Variants in DACH2 observed in about 807,000 individuals in gnomAD.
DACH2 encodes dachshund family transcription factor 2, also known as dachshund homolog 2.
Under a neutral mutation model 35.8 loss-of-function variants are expected in DACH2, and 17 were observed. The ratio of observed to expected loss-of-function variants is 0.48; its 90% CI spans 0.33 to 0.71. DACH2 has a LOEUF of 0.71. Ranked by LOEUF, DACH2 falls within the 30% of genes least tolerant of loss-of-function variation. DACH2 has a pLI of 0.02. For synonymous variants in DACH2, 195 were observed against 177.3 expected, an observed-to-expected ratio of 1.10 and a Z score of -0.79; for missense variants, 469 against 472.7, an observed-to-expected ratio of 0.99 and a Z score of 0.07.
chrX:86,207,558 T>TA, intron 1 of DACH2, among the ~76,000 whole-genome samples: 1 of 111,283 alleles, frequency 9.0e-6, no homozygotes, highest in Non-Finnish European at 1.9e-5. Flanking sequence ...AAATAAAAAA[T>TA]AAAATAAAAA....
chrX:86,599,466 T>TTTTCTTTCTTTCTTTA (rs2039759421), intron 3 of DACH2, among the ~76,000 whole-genome samples: 1 of 62,780 alleles, frequency 1.6e-5, no homozygotes, highest in Non-Finnish European at 2.8e-5. Context: ...TCCTTCCTTC[T>TTTTCTTTCTTTCTTTA]TTTCTTTCTT....
chrX:86,709,584 A>C (rs928793941), intron 5 of DACH2, among the ~76,000 whole-genome samples: 2 of 111,777 alleles, frequency 1.8e-5, no homozygotes, highest in African/African-American at 6.5e-5. Flanking sequence ...ACCGTTCATG[A>C]CACACACTGT....
intron 3 of DACH2, among the ~76,000 whole-genome samples, chrX:86,544,207 G>A (rs891878313): frequency 3.6e-5 from 4 of 111,179 alleles, no homozygotes; most frequent in African/African-American, 1.3e-4. Flanking sequence ...GAAAGCAACT[G>A]GGAAGCATAA....
At chrX:86,748,390 G>A (rs1294243301) in intron 7 of DACH2, among the ~76,000 whole-genome samples, 4 of 111,910 alleles carry the variant, frequency 3.6e-5, no homozygotes, top group Non-Finnish European at 7.5e-5. Context: ...AACGAAACTC[G>A]AAAGTCAAAC....
chrX:86,782,302 A>G (rs2042096228), intron 7 of DACH2, among the ~76,000 whole-genome samples: 1 of 112,104 alleles, frequency 8.9e-6, no homozygotes, highest in Non-Finnish European at 1.9e-5. Flanking sequence ...GTATTAAAAT[A>G]CCAATGACAT....
At chrX:86,685,679 G>A (rs925623522) in intron 4 of DACH2, among the ~76,000 whole-genome samples, 13 of 111,121 alleles carry the variant, frequency 1.2e-4, no homozygotes, top group African/African-American at 3.6e-4. Flanking sequence ...GAAGCCTCAG[G>A]GAGCTTTTAT....
chrX:86,294,180 T>G, intron 1 of DACH2, among the ~76,000 whole-genome samples: 1 of 111,728 alleles, frequency 9.0e-6, no homozygotes. Context: ...CATTTCATCT[T>G]CCATCACTGA....
intron 3 of DACH2, among the ~76,000 whole-genome samples, chrX:86,527,317 T>C (rs1219035524): frequency 2.7e-5 from 3 of 111,981 alleles, no homozygotes; most frequent in African/African-American, 9.7e-5. Context: ...GTGAGCATAC[T>C]CATTTTCTCA....
intron 7 of DACH2, among the ~76,000 whole-genome samples, chrX:86,768,971 G>C (rs1191388616): frequency 9.0e-6 from 1 of 111,150 alleles, no homozygotes; most frequent in Non-Finnish European, 1.9e-5. Context: ...AATTTGCCAT[G>C]ATAAAGTGTG....
At chrX:86,544,629 A>G (rs2038932612) in intron 3 of DACH2, among the ~76,000 whole-genome samples, 1 of 111,422 alleles carries the variant, frequency 9.0e-6, no homozygotes, top group African/African-American at 3.3e-5. Context: ...GCCTTACAAG[A>G]GGTCCTGAAG....
At chrX:86,435,783 A>G (rs1327178362) in intron 2 of DACH2, among the ~76,000 whole-genome samples, 1 of 111,873 alleles carries the variant, frequency 8.9e-6, no homozygotes, top group Non-Finnish European at 1.9e-5. Flanking sequence ...TACAAATGTC[A>G]GGGTGAGAAT....
chrX:86,442,303 C>T (rs893578229), intron 2 of DACH2, among the ~76,000 whole-genome samples: 1 of 100,688 alleles, frequency 9.9e-6, no homozygotes, highest in African/African-American at 3.7e-5. Context: ...ATTCTTGTGT[C>T]TTCTTTTGAG....
intron 2 of DACH2, chrX:86,513,007 G>T: frequency 3.3e-6 from 1 of 305,440 alleles, no homozygotes. Flanking sequence ...ATATAATATT[G>T]ATGTACAGTG....
chrX:86,304,078 T>C (rs938088965), intron 1 of DACH2, among the ~76,000 whole-genome samples: 7 of 111,976 alleles, frequency 6.3e-5, no homozygotes, highest in Non-Finnish European at 1.1e-4. Context: ...AATCCATGCA[T>C]TTACGGCCAA....
chrX:86,403,502 T>A (rs1020971432), intron 2 of DACH2, among the ~76,000 whole-genome samples: 1 of 111,919 alleles, frequency 8.9e-6, no homozygotes. Flanking sequence ...GAATGGCTAT[T>A]ACTAAAGTGT....
At chrX:86,329,057 T>C (rs1470734884) in intron 1 of DACH2, among the ~76,000 whole-genome samples, 2 of 111,295 alleles carry the variant, frequency 1.8e-5, no homozygotes, top group Non-Finnish European at 3.8e-5. Flanking sequence ...TTTTACTGTG[T>C]ATGTGCGGAT....
At chrX:86,778,504 T>C (rs1448449931) in intron 7 of DACH2, among the ~76,000 whole-genome samples, 1 of 112,345 alleles carries the variant, frequency 8.9e-6, no homozygotes, top group Non-Finnish European at 1.9e-5. Flanking sequence ...TTTAGGACTA[T>C]AGAAAAGAAA....
At position 86,592,402 on chromosome X, in the gene DACH2, A is replaced by ACCCACTTTCACTGTTAC. The variant is rs1254669751; in HGVS notation, c.641-58632_641-58631insCACTTTCACTGTTACCC. On this transcript the variant is annotated intron_variant, in intron 3 of 11. Transcript: ENST00000373125. ...TATTCTTTCACTGTTACCCACTATT[A>ACCCACTTTCACTGTTAC]CCACACTGTCTTGATTACTATAAAT... 1.9e-3 allele frequency among the ~76,000 whole-genome samples: 218 copies of ACCCACTTTCACTGTTAC among 111,898 alleles called. 1 individual carries two copies. Among genetic ancestry groups the ACCCACTTTCACTGTTAC allele is most frequent in the African/African-American group, 6.6e-3 (205 of 30,856 alleles).
intron 4 of DACH2, among the ~76,000 whole-genome samples, chrX:86,656,399 TG>T (rs1450860348): frequency 9.0e-6 from 1 of 111,211 alleles, no homozygotes; most frequent in Non-Finnish European, 1.9e-5. Context: ...CATGAGAAAT[TG>T]GCCAGTAATC....
Sources: allele counts gnomAD v4.1 joint callset (sites outside exome capture counted in the v4.1 genomes callset), GRCh38; gene constraint gnomAD v4.1.1; transcripts MANE v1.5; gene names NCBI Gene and HGNC (gene_info 2026-07-23, HGNC 2026-07-21).